The following SPAG17 variants were observed in gnomAD, a reference collection of about 807,000 sequenced individuals.
The protein encoded by SPAG17 is sperm-associated antigen 17.
SPAG17 carries 169 observed loss-of-function variants against 273.6 expected under a neutral mutation model. The observed-to-expected ratio is 0.62, with a 90% CI of 0.55 to 0.70. SPAG17 has a LOEUF of 0.70. Among genes scored for constraint, SPAG17 ranks in the 30% least tolerant of loss-of-function variants. SPAG17 has a pLI of 0.00. For synonymous variants in SPAG17, 825 were observed against 873.2 expected (o/e 0.94, Z 0.97); for missense variants, 2,557 against 2,627.8 (o/e 0.97, Z 0.59).
chr1:117,964,449 T>C (rs1057395637), intron 47 of SPAG17: 3 of 152,330 alleles, frequency 2.0e-5, no homozygotes, highest in African/African-American at 7.2e-5. Flanking sequence ...TCTAATAACC[T>C]GTGTGGAGAG....
chr1:117,963,865 C>T lies in SPAG17; in HGVS notation c.6606G>A (p.Gln2202=). ...FPQGKENPMV[Q]RTSTIYSSTL... is the part of the protein sequence containing the mutation. ...TGGAGGAATAAATTGTAGAAGTTCT[C>T]TGGACCATTGGATTTTCTTTTCCCT... Residue 2202 remains glutamine, a synonymous_variant, in exon 48 of 49, where the codon CAG becomes CAA. Coordinates refer to ENST00000336338, the MANE Select transcript of SPAG17 (RefSeq NM_206996.4). 1 of 1,613,982 alleles carries T rather than the reference C, an allele frequency of 6.2e-7. No homozygotes were observed. Among genetic ancestry groups the T allele is most frequent in the Non-Finnish European group, 8.5e-7 (1 of 1,179,872 alleles).
At chr1:118,146,823 C>T (rs1467803012) in intron 3 of SPAG17, among the ~76,000 whole-genome samples, 1 of 152,188 alleles carries the variant, frequency 6.6e-6, no homozygotes, top group African/African-American at 2.4e-5. Flanking sequence ...TTTCCCCGTG[C>T]ACACAATGGA....
At chr1:117,992,390 A>G in intron 36 of SPAG17, 76 bp downstream of exon 36, 1 of 1,353,890 alleles carries the variant, frequency 7.4e-7, no homozygotes, top group Non-Finnish European at 1.0e-6. Context: ...ACATAATTTC[A>G]GGTTTCTTAG....
rs377054501 is a variant in SPAG17 at position 117,994,410 on chromosome 1, A to G, written c.5174T>C (p.Val1725Ala). 7 of 1,612,028 alleles carry G rather than the reference A, an allele frequency of 4.3e-6. No individual in the cohort carries two copies. The highest frequency in any genetic ancestry group is 5.9e-6 in the Non-Finnish European group (7 of 1,178,774). Residue 1725 changes from valine to alanine, a missense_variant, in exon 35 of 49, where the codon GTT (valine) becomes GCT (alanine). Val to Ala is a moderately conservative substitution (Grantham distance 64). Transcript: ENST00000336338. ...TTTTTAGAAGAAATTATATACCTCAACTGAGGGAAATGTTTCCCATGACCT... is the reference window on the plus strand; with the variant it reads ...TTTTTAGAAGAAATTATATACCTCAGCTGAGGGAAATGTTTCCCATGACCT... ...RSRSWETFPS[V>A]EKKTPGPPFG...
intron 25 of SPAG17, 93 bp from the exon 26 acceptor site, chr1:118,028,487 G>A (rs1648045321): frequency 9.3e-6 from 14 of 1,507,290 alleles, no homozygotes; most frequent in Non-Finnish European, 1.2e-5. Context: ...GAGTGCTCAG[G>A]ACATGACTTG....
intron 3 of SPAG17, among the ~76,000 whole-genome samples, chr1:118,142,423 C>T (rs938887757): frequency 6.6e-6 from 1 of 152,118 alleles, no homozygotes; most frequent in Non-Finnish European, 1.5e-5. Flanking sequence ...ATATATTTAA[C>T]ACTACTGAAT....
chr1:118,062,136 G>A (rs1185118431), intron 18 of SPAG17, among the ~76,000 whole-genome samples: 1 of 152,126 alleles, frequency 6.6e-6, no homozygotes, highest in East Asian at 1.9e-4. Flanking sequence ...GGGAGGCCGA[G>A]GCGGGCGGAT....
chr1:118,051,702 TTATAA>T (rs67743905), intron 20 of SPAG17, among the ~76,000 whole-genome samples: 9,375 of 136,370 alleles, frequency 0.069, 500 homozygotes, highest in East Asian at 0.31. Context: ...GTATGTATAG[TTATAA>T]TATATAGTAT....
In SPAG17 at chr1:117,987,842, G is replaced by T. The variant is rs1656602154; in HGVS notation, c.5661C>A (p.Asp1887Glu). The T allele has an allele frequency of 6.8e-6, 11 of 1,612,180 alleles. No individual in the cohort carries two copies. Among genetic ancestry groups the T allele is most frequent in the South Asian group, 5.5e-5 (5 of 91,058 alleles). The change falls in exon 40 of 49, where the codon GAC (aspartate) becomes GAA (glutamate). Residue 1887 changes from aspartate to glutamate, a missense_variant. Physicochemically the swap from Asp to Glu is conservative, Grantham distance 45 (BLOSUM62 2). Transcript: ENST00000336338. ...TTTTGGGGTATAATTACCTCGTTTTGTCTATCTTTTCTTTCCAGCGTTTTG... is the reference window on the plus strand; with the variant it reads ...TTTTGGGGTATAATTACCTCGTTTTTTCTATCTTTTCTTTCCAGCGTTTTG... ...ASSKRWKEKI[D>E]KTRKEIETTQ...
Position 118,097,955 on chromosome 1 carries a change from A to T in SPAG17, c.830-104T>A, listed in dbSNP as rs148091412. On this transcript the variant is annotated intron_variant, in intron 6 of 48. Transcript: ENST00000336338. ...ATGCATTGCAAGATATCTGTACAGT[A>T]CCAGAAAATGTAAATAAAGGAATGT... 1,902 of 590,694 alleles carry T rather than the reference A, an allele frequency of 3.2e-3. 28 individuals carry two copies. The highest frequency in any genetic ancestry group is 0.03 in the African/African-American group (1,586 of 52,138). The allele number at this position is 590,694 out of a possible 1,614,324, so 36.6% of individuals were successfully genotyped here. A position where few individuals can be genotyped will look rare whatever the true frequency, so the allele number is the denominator to read the frequency against.
intron 48 of SPAG17, chr1:117,962,761 T>G (rs1250869528): frequency 6.6e-6 from 1 of 152,186 alleles, no homozygotes; most frequent in Non-Finnish European, 1.5e-5. Context: ...CTAGCAAATC[T>G]CCAGCAGAGA....
Position 118,005,514 on chromosome 1 carries a change from G to T in SPAG17, c.4676C>A (p.Pro1559His), listed in dbSNP as rs1467969549. The T allele has an allele frequency of 1.2e-6, 2 of 1,613,340 alleles. No homozygotes were observed. Among genetic ancestry groups the T allele is most frequent in the South Asian group, 1.1e-5 (1 of 90,806 alleles). ...CHESSSNIYYPFQKREQLRAG... is the reference protein window; with the variant it reads ...CHESSSNIYYHFQKREQLRAG... ...TCGCAGCTGCTCACGCTTTTGAAAA[G>T]GATAGTATATATTACTGCTTGACTC... is the stretch of plus-strand genomic sequence containing the variant. The change falls in exon 32 of 49, where the codon CCT becomes CAT. Residue 1559 changes from proline to histidine, a missense_variant. Physicochemically the swap from Pro to His is moderately conservative, Grantham distance 77 (BLOSUM62 -2). Coordinates refer to ENST00000336338, the MANE Select transcript of SPAG17 (RefSeq NM_206996.4).
Position 118,012,228 on chromosome 1 carries a change from T to C in SPAG17, c.4432A>G (p.Thr1478Ala), listed in dbSNP as rs1160670430. The part of the protein sequence containing the change: ...QIILPDDQET[T>A]EGPRTVTRQV... ...CATGTACTCAGAAAATAAAACATAC[T>C]TGTTTCTTGATCATCTGGCAGAATA... Residue 1478 changes from threonine to alanine, a missense_variant and splice_region_variant, in exon 30 of 49, where the codon ACC (threonine) becomes GCC (alanine). By Grantham distance (58) the Thr-to-Ala change is moderately conservative. Transcript: ENST00000336338. 6.2e-7 allele frequency: 1 copy of C among 1,612,370 alleles called. No individual in the cohort carries two copies. The highest frequency in any genetic ancestry group is 1.3e-5 in the African/African-American group (1 of 74,860).
At chr1:117,985,264 G>T (rs937442086) in intron 40 of SPAG17, among the ~76,000 whole-genome samples, 2 of 152,180 alleles carry the variant, frequency 1.3e-5, no homozygotes, top group African/African-American at 4.8e-5. Context: ...AAGCAATCAG[G>T]ATAGTACTGC....
intron 37 of SPAG17, 47 bp from the exon 38 acceptor site, chr1:117,990,953 A>T: frequency 8.8e-7 from 1 of 1,137,378 alleles, no homozygotes; most frequent in South Asian, 1.7e-5. Flanking sequence ...TACTTACAAG[A>T]CTTACTTTGT....
At chr1:118,125,695 T>C (rs1474749709) in intron 3 of SPAG17, among the ~76,000 whole-genome samples, 1 of 152,244 alleles carries the variant, frequency 6.6e-6, no homozygotes, top group African/African-American at 2.4e-5. Context: ...TTTTTGTAAA[T>C]GACAGGATTT....
intron 4 of SPAG17, among the ~76,000 whole-genome samples, chr1:118,104,998 G>A (rs1032015326): frequency 6.6e-6 from 1 of 152,098 alleles, no homozygotes; most frequent in Non-Finnish European, 1.5e-5. Context: ...GAAGATACGG[G>A]GCTGAGGAGA....
At chr1:117,988,804 TAAGAC>T (rs1231968085) in intron 38 of SPAG17, among the ~76,000 whole-genome samples, 1 of 152,172 alleles carries the variant, frequency 6.6e-6, no homozygotes, top group African/African-American at 2.4e-5. Context: ...ACTAAGAAAA[TAAGAC>T]AATATGAAGC....
chr1:118,166,002 C>G (rs556188271), intron 1 of SPAG17, among the ~76,000 whole-genome samples: 35 of 152,250 alleles, frequency 2.3e-4, no homozygotes, highest in South Asian at 2.1e-4. Context: ...GGTGGTTGAA[C>G]TTAATATTAC....
Sources: gnomAD v4.1 joint callset for allele counts (sites outside exome capture counted in the v4.1 genomes callset) on GRCh38, gnomAD v4.1.1 for gene constraint, MANE v1.5 for transcripts, NCBI Gene and HGNC (gene_info 2026-07-23, HGNC 2026-07-21) for gene names.